The following GLCCI1 variants were observed in gnomAD, a reference collection of about 807,000 sequenced individuals.
GLCCI1 encodes the protein glucocorticoid induced 1.
In GLCCI1, 24 loss-of-function variants were observed where a neutral mutation model predicts 52.2. That is an observed-to-expected ratio of 0.46 (90% CI 0.33 to 0.65). The LOEUF is 0.65. Among genes scored for constraint, GLCCI1 ranks in the 30% least tolerant of loss-of-function variants. The pLI is 0.02. For synonymous variants in GLCCI1, 310 were observed against 276.5 expected (o/e 1.12, Z -1.20); for missense variants, 704 against 701.5 (o/e 1.00, Z -0.04).
chr7:8,042,762 C>G (rs1782030318), intron 3 of GLCCI1, among the ~76,000 whole-genome samples: 1 of 152,182 alleles, frequency 6.6e-6, no homozygotes, highest in African/African-American at 2.4e-5. Flanking sequence ...GAATGTACTC[C>G]TGATGAAGAA....
At chr7:8,056,002 A>C (rs1396726248) in intron 4 of GLCCI1, among the ~76,000 whole-genome samples, 11 of 143,702 alleles carry the variant, frequency 7.7e-5, no homozygotes, top group Admixed American at 4.2e-4. Flanking sequence ...CAAAAAAAAA[A>C]AAAAACAAAA....
chr7:7,998,058 A>C (rs570305471), intron 1 of GLCCI1, among the ~76,000 whole-genome samples: 123 of 151,998 alleles, frequency 8.1e-4, no homozygotes, highest in African/African-American at 2.7e-3. Flanking sequence ...AATTATTAAA[A>C]TCTACATTTA....
chr7:8,086,241 C>G lies in GLCCI1; in HGVS notation c.1347C>G (p.Asn449Lys), dbSNP rs767022298. ...CTCTCTTTTCATGTCCTGACAAAAA[C>G]AAGGTTAATTTCATCCCAACCGGAT... is the stretch of plus-strand genomic sequence containing the variant. ...SAPLFSCPDK[N>K]KVNFIPTGSA... Residue 449 changes from asparagine to lysine, a missense_variant, in exon 8 of 8, where the codon AAC becomes AAG. Asn to Lys is a moderately conservative substitution (Grantham distance 94). Around this residue, in one of 3 missense-constraint regions of GLCCI1, gnomAD observed 149 missense variants for 152.9 expected, o/e 0.97. Coordinates refer to ENST00000223145, the MANE Select transcript of GLCCI1 (RefSeq NM_138426.4). This position sits in a 1 kb window ranked among gnomAD's most constrained non-coding sequence, Gnocchi z 4.4. The G allele has an allele frequency of 6.2e-7, 1 of 1,614,090 alleles. No homozygotes were observed.
intron 4 of GLCCI1, among the ~76,000 whole-genome samples, chr7:8,057,233 C>G (rs1175907484): frequency 1.3e-5 from 2 of 151,696 alleles, no homozygotes; most frequent in African/African-American, 4.8e-5. Flanking sequence ...TATGTCCACA[C>G]AAACACTTGT....
At chr7:7,983,584 T>G (rs1036687368) in intron 1 of GLCCI1, among the ~76,000 whole-genome samples, 1 of 152,222 alleles carries the variant, frequency 6.6e-6, no homozygotes, top group African/African-American at 2.4e-5. Context: ...TTCTGGTGTT[T>G]AGAAAGCCAG....
At chr7:8,013,102 C>A (rs1040472381) in intron 2 of GLCCI1, among the ~76,000 whole-genome samples, 1 of 152,282 alleles carries the variant, frequency 6.6e-6, no homozygotes, top group African/African-American at 2.4e-5. Flanking sequence ...TTATTTCTGG[C>A]TGCTGTATTT....
chr7:8,000,407 G>A (rs1003455121), intron 1 of GLCCI1, among the ~76,000 whole-genome samples: 22 of 152,054 alleles, frequency 1.4e-4, no homozygotes, highest in Non-Finnish European at 2.6e-4. Flanking sequence ...TGGGGAGGAG[G>A]TAAAGATAAA....
At chr7:8,063,565 C>T (rs573235755) in intron 5 of GLCCI1, among the ~76,000 whole-genome samples, 2 of 148,166 alleles carry the variant, frequency 1.3e-5, no homozygotes, top group African/African-American at 5.0e-5. Flanking sequence ...ACGTGTATAT[C>T]CTTCTTTTGA....
At chr7:8,060,400 C>T (rs1782486978) in intron 5 of GLCCI1, 152 bp downstream of exon 5, 3 of 588,114 alleles carry the variant, frequency 5.1e-6, no homozygotes, top group Non-Finnish European at 8.8e-6. Flanking sequence ...TTAACAGATT[C>T]AGAGTTATAC....
At chr7:8,084,771 C>T (rs1444727074) in intron 6 of GLCCI1, 126 bp from the exon 7 acceptor site, 1 of 865,732 alleles carries the variant, frequency 1.2e-6, no homozygotes, top group Non-Finnish European at 1.8e-6. Flanking sequence ...AATAGCTTTG[C>T]AATAAAGGAG....
At chr7:8,026,519 G>T (rs1003730111) in intron 3 of GLCCI1, among the ~76,000 whole-genome samples, 11 of 152,214 alleles carry the variant, frequency 7.2e-5, no homozygotes, top group African/African-American at 2.4e-4. Flanking sequence ...ACCAAAAGAG[G>T]CATTGAGTAG....
At chr7:7,970,503 A>G (rs1451165573) in intron 1 of GLCCI1, 1 of 150,384 alleles carries the variant, frequency 6.6e-6, no homozygotes, top group African/African-American at 2.5e-5. Context: ...GGAGATTTTC[A>G]TGGTAAATTT....
rs1187044334 is a variant in GLCCI1 at position 8,087,729 on chromosome 7, A to G, written c.*1191A>G. 7.0e-6 allele frequency: 1 copy of G among 142,178 alleles called. No individual in the cohort carries two copies. The highest frequency in any genetic ancestry group is 2.6e-5 in the African/African-American group (1 of 37,854). The allele number at this position is 142,178 out of a possible 1,614,324, so 8.8% of individuals were successfully genotyped here. On this transcript the variant is annotated 3_prime_UTR_variant, in exon 8 of 8. Transcript: ENST00000223145. ...TTGGGTCTCAGAATTGATGCAACATAAGCAGGTTTTTTTGGTGACTTACAA... is the reference window on the plus strand; with the variant it reads ...TTGGGTCTCAGAATTGATGCAACATGAGCAGGTTTTTTTGGTGACTTACAA...
At chr7:8,029,753 A>G (rs1192411509) in intron 3 of GLCCI1, among the ~76,000 whole-genome samples, 1 of 152,146 alleles carries the variant, frequency 6.6e-6, no homozygotes, top group Non-Finnish European at 1.5e-5. Context: ...TAGTGTTTCT[A>G]TATTCTAAAA....
At chr7:7,974,852 A>C (rs1031783886) in intron 1 of GLCCI1, among the ~76,000 whole-genome samples, 1 of 152,164 alleles carries the variant, frequency 6.6e-6, no homozygotes. Context: ...CCCCTGTCCT[A>C]GTCTGTGTCT....
chr7:8,041,206 A>G (rs1304773401), intron 3 of GLCCI1, among the ~76,000 whole-genome samples: 1 of 152,210 alleles, frequency 6.6e-6, no homozygotes, highest in Non-Finnish European at 1.5e-5. Context: ...TAAAAGATCA[A>G]ACCAGCCACA....
intron 6 of GLCCI1, among the ~76,000 whole-genome samples, chr7:8,078,009 C>T (rs954509162): frequency 4.0e-5 from 6 of 151,724 alleles, no homozygotes; most frequent in Middle Eastern, 3.4e-3. Flanking sequence ...CCAAGGCAGG[C>T]GGATAACGAG....
At chr7:8,015,925 T>A (rs11769342) in intron 2 of GLCCI1, among the ~76,000 whole-genome samples, 20,936 of 152,202 alleles carry the variant, frequency 0.14, 1,571 homozygotes, top group East Asian at 0.19. Flanking sequence ...AAAATTAACC[T>A]GTTTTTCTTC....
At position 8,088,896 on chromosome 7, in the gene GLCCI1, T is replaced by C. The variant is rs938620437; in HGVS notation, c.*2358T>C. On this transcript the variant is annotated 3_prime_UTR_variant, in exon 8 of 8. Coordinates refer to ENST00000223145, the MANE Select transcript of GLCCI1 (RefSeq NM_138426.4). ...TGTATCCTACATCCAGCTGTAGAAA[T>C]TTGTCAGAAATTGTTTAAATTTTGT... is the stretch of plus-strand genomic sequence containing the variant. 6.6e-6 allele frequency: 1 copy of C among 152,646 alleles called. No individual in the cohort carries two copies. The highest frequency in any genetic ancestry group is 1.5e-5 in the Non-Finnish European group (1 of 68,040). 9.5% of individuals were successfully genotyped at this position (152,646 alleles called of 1,614,324 possible).
Sources: allele counts gnomAD v4.1 joint callset (sites outside exome capture counted in the v4.1 genomes callset), GRCh38; gene constraint gnomAD v4.1.1; regional missense constraint gnomAD v4.1.1; non-coding constraint Gnocchi (gnomAD v3.1); transcripts MANE v1.5; gene names NCBI Gene and HGNC (gene_info 2026-07-23, HGNC 2026-07-21).